The following SLC30A8 variants were observed in gnomAD, a reference collection of about 807,000 sequenced individuals.
SLC30A8 encodes the protein proton-coupled zinc antiporter SLC30A8.
A neutral mutation model predicts 36.9 loss-of-function variants in SLC30A8; 27 were observed. The ratio of observed to expected loss-of-function variants is 0.73; its 90% CI spans 0.54 to 1.01. The LOEUF (loss-of-function observed/expected upper bound fraction) is 1.01, where lower values mean the gene tolerates loss of function less well. Among genes scored for constraint, SLC30A8 ranks in the 50% least tolerant of loss-of-function variants. The pLI is 0.00. For missense variants in SLC30A8, 439 were observed against 452.0 expected (o/e 0.97, Z 0.26); for synonymous variants, 164 against 172.4 (o/e 0.95, Z 0.38).
intron 2 of SLC30A8, among the ~76,000 whole-genome samples, chr8:117,068,570 TA>T (rs1818235976): frequency 6.6e-6 from 1 of 152,134 alleles, no homozygotes; most frequent in African/African-American, 2.4e-5. Context: ...ACTTTATTTT[TA>T]TTTTTTTGTT....
chr8:117,105,948 C>G (rs1035698882), intron 2 of SLC30A8, among the ~76,000 whole-genome samples: 3 of 152,194 alleles, frequency 2.0e-5, no homozygotes, highest in Admixed American at 2.0e-4. Flanking sequence ...CCAGGTCTAA[C>G]TTCACGAAGA....
chr8:117,034,434 T>C (rs1586424712), intron 1 of SLC30A8, among the ~76,000 whole-genome samples: 1 of 152,218 alleles, frequency 6.6e-6, no homozygotes, highest in Admixed American at 6.5e-5. Flanking sequence ...CAAATACTTA[T>C]ATAGTACTTA....
chr8:116,994,195 CTG>C (rs1329162304), intron 1 of SLC30A8, among the ~76,000 whole-genome samples: 2 of 152,050 alleles, frequency 1.3e-5, no homozygotes, highest in African/African-American at 4.8e-5. Flanking sequence ...AACTGGACCT[CTG>C]TGATTTGTGG....
At chr8:116,955,664 A>C (rs1412533141) in intron 1 of SLC30A8, among the ~76,000 whole-genome samples, 1 of 151,904 alleles carries the variant, frequency 6.6e-6, no homozygotes, top group Admixed American at 6.6e-5. Context: ...TAGGAGGCAA[A>C]AGTTGCTGAG....
At chr8:116,972,925 T>C (rs556476074) in intron 1 of SLC30A8, among the ~76,000 whole-genome samples, 1 of 152,224 alleles carries the variant, frequency 6.6e-6, no homozygotes, top group East Asian at 1.9e-4. Flanking sequence ...TGCTACTGTC[T>C]GAATGTTTTA....
At chr8:117,144,602 A>C (rs1821812593) in intron 1 of SLC30A8, among the ~76,000 whole-genome samples, 1 of 152,220 alleles carries the variant, frequency 6.6e-6, no homozygotes, top group Admixed American at 6.5e-5. Context: ...TTATGCTATG[A>C]TATAGCTATA....
intron 2 of SLC30A8, among the ~76,000 whole-genome samples, chr8:117,048,702 TATAGCCTGCAGA>T (rs1240539873): frequency 9.2e-5 from 14 of 152,340 alleles, no homozygotes; most frequent in African/African-American, 3.1e-4. Flanking sequence ...TATTGTGTTC[TATAGCCTGCAGA>T]AGTGCCTGGC....
At chr8:117,018,674 C>CG (rs1563750411) in intron 1 of SLC30A8, among the ~76,000 whole-genome samples, 4 of 119,572 alleles carry the variant, frequency 3.3e-5, no homozygotes, top group African/African-American at 1.3e-4. Context: ...CCCCCCCCCC[C>CG]CTTTTTTTTT....
chr8:117,085,406 T>C (rs1302054072), intron 2 of SLC30A8, among the ~76,000 whole-genome samples: 1 of 152,164 alleles, frequency 6.6e-6, no homozygotes, highest in Non-Finnish European at 1.5e-5. Flanking sequence ...AAATTACTCA[T>C]CCTCTAGCGA....
intron 2 of SLC30A8, among the ~76,000 whole-genome samples, chr8:117,069,521 G>C (rs1563577667): frequency 1.3e-5 from 2 of 152,204 alleles, no homozygotes. Context: ...AATTTAGAGA[G>C]TTAGTGACTA....
chr8:117,056,061 T>C (rs1817860212), intron 2 of SLC30A8: 1 of 152,202 alleles, frequency 6.6e-6, no homozygotes, highest in Admixed American at 6.5e-5. Context: ...TTTGTGCTTA[T>C]AACAGAGAAA....
intron 2 of SLC30A8, among the ~76,000 whole-genome samples, chr8:117,064,936 C>T (rs1586461196): frequency 6.6e-6 from 1 of 152,192 alleles, no homozygotes; most frequent in African/African-American, 2.4e-5. Flanking sequence ...GAAGCGTTCC[C>T]TCTACTATCC....
chr8:117,172,431 GCCCCA>G, intron 7 of SLC30A8, 100 bp from the exon 8 acceptor site: 1 of 1,496,420 alleles, frequency 6.7e-7, no homozygotes, highest in Non-Finnish European at 9.3e-7. Context: ...CCCTGCCTCT[GCCCCA>G]CCCCAGCAGG....
chr8:116,991,968 C>A (rs1441055366), intron 1 of SLC30A8, among the ~76,000 whole-genome samples: 2 of 152,184 alleles, frequency 1.3e-5, no homozygotes, highest in African/African-American at 4.8e-5. Flanking sequence ...CTACATCCAA[C>A]ATCTTGCTCT....
chr8:117,038,150 A>G (rs956971879), intron 1 of SLC30A8, among the ~76,000 whole-genome samples: 1 of 152,220 alleles, frequency 6.6e-6, no homozygotes, highest in East Asian at 1.9e-4. Flanking sequence ...GTTCTTCAAA[A>G]CTAATATGGA....
intron 1 of SLC30A8, among the ~76,000 whole-genome samples, chr8:116,984,698 T>A (rs1815383294): frequency 6.6e-6 from 1 of 152,130 alleles, no homozygotes. Context: ...TGTCTGCTTT[T>A]TAACTGCCGA....
intron 1 of SLC30A8, among the ~76,000 whole-genome samples, chr8:116,978,892 C>T (rs1436778720): frequency 1.3e-5 from 2 of 151,868 alleles, no homozygotes; most frequent in Non-Finnish European, 2.9e-5. Context: ...TGTCATCCTA[C>T]CTGTGAAGGG....
chr8:117,157,627 G>T, intron 3 of SLC30A8, 64 bp from the exon 4 acceptor site: 1 of 1,578,776 alleles, frequency 6.3e-7, no homozygotes, highest in Non-Finnish European at 8.6e-7. Context: ...ATGACTCTTG[G>T]GGGTGTAGGT....
At chr8:117,141,262 A>T (rs1177695633) in intron 1 of SLC30A8, among the ~76,000 whole-genome samples, 1 of 152,164 alleles carries the variant, frequency 6.6e-6, no homozygotes, top group Admixed American at 6.5e-5. Flanking sequence ...ATGAATACAG[A>T]TGCAGTAATC....
Sources: allele counts gnomAD v4.1 joint callset (sites outside exome capture counted in the v4.1 genomes callset), GRCh38; gene constraint gnomAD v4.1.1; transcripts MANE v1.5; gene names NCBI Gene and HGNC (gene_info 2026-07-23, HGNC 2026-07-21).